The following ELF1 variants were observed in gnomAD, a reference collection of about 807,000 sequenced individuals.
ELF1 encodes E74 like ETS transcription factor 1.
In ELF1, 24 loss-of-function variants were observed where a neutral mutation model predicts 59.9. The observed-to-expected ratio is 0.40, with a 90% CI of 0.29 to 0.56. The LOEUF (loss-of-function observed/expected upper bound fraction) is 0.56. ELF1 is among the 20% of genes least tolerant of loss of function. ELF1 has a pLI of 0.44. For synonymous variants in ELF1, 248 were observed against 266.2 expected (o/e 0.93, Z 0.67); for missense variants, 627 against 742.2 (o/e 0.84, Z 1.80).
chr13:41,000,074 GAAGA>G (rs2138330885), intron 1 of ELF1, among the ~76,000 whole-genome samples: 1 of 152,186 alleles, frequency 6.6e-6, no homozygotes, highest in Admixed American at 6.5e-5. Flanking sequence ...GTTATCCAAT[GAAGA>G]AATATGTGAT....
chr13:41,039,890 A>G (rs1238682598), intron 1 of ELF1, among the ~76,000 whole-genome samples: 1 of 152,224 alleles, frequency 6.6e-6, no homozygotes, highest in African/African-American at 2.4e-5. Context: ...AAACAGGCAT[A>G]AGGCATGAAT....
chr13:40,970,947 A>G (rs1293938499), intron 2 of ELF1, among the ~76,000 whole-genome samples: 1 of 152,178 alleles, frequency 6.6e-6, no homozygotes, highest in Non-Finnish European at 1.5e-5. Flanking sequence ...GGAAGCAGCT[A>G]CTATGTTAAG....
intron 8 of ELF1, among the ~76,000 whole-genome samples, chr13:40,939,214 C>T (rs1273980397): frequency 1.3e-5 from 2 of 152,010 alleles, no homozygotes; most frequent in African/African-American, 4.8e-5. Flanking sequence ...ATGAGGAAGG[C>T]TGAGGTGAGA....
At chr13:41,024,662 C>A (rs568215925) in intron 1 of ELF1, among the ~76,000 whole-genome samples, 1 of 152,276 alleles carries the variant, frequency 6.6e-6, no homozygotes, top group Non-Finnish European at 1.5e-5. Flanking sequence ...CAGGCATGAA[C>A]AACCACACAT....
At chr13:40,939,230 G>C (rs1869979364) in intron 8 of ELF1, among the ~76,000 whole-genome samples, 1 of 152,092 alleles carries the variant, frequency 6.6e-6, no homozygotes, top group Non-Finnish European at 1.5e-5. Context: ...TGAGAGGACT[G>C]CTTGAGTCCT....
At chr13:40,966,185 G>C (rs1872161813) in intron 2 of ELF1, among the ~76,000 whole-genome samples, 1 of 152,206 alleles carries the variant, frequency 6.6e-6, no homozygotes, top group Admixed American at 6.5e-5. Flanking sequence ...ACAAGAGAGG[G>C]AAGATCTCCT....
At chr13:41,000,967 T>C (rs1874398443) in intron 1 of ELF1, among the ~76,000 whole-genome samples, 1 of 148,826 alleles carries the variant, frequency 6.7e-6, no homozygotes, top group Non-Finnish European at 1.5e-5. Flanking sequence ...TTCACAGAAA[T>C]AGGAAAAACA....
chr13:41,028,933 C>T (rs973275572), intron 1 of ELF1, among the ~76,000 whole-genome samples: 10 of 151,474 alleles, frequency 6.6e-5, no homozygotes, highest in African/African-American at 1.7e-4. Context: ...TTTTTAGAGA[C>T]GGGGTTTCAC....
chr13:40,985,141 G>A (rs1388212218), intron 1 of ELF1, among the ~76,000 whole-genome samples: 2 of 152,136 alleles, frequency 1.3e-5, no homozygotes, highest in African/African-American at 4.8e-5. Context: ...GCATTTTACT[G>A]GCTCAATCAT....
At chr13:41,018,439 A>G (rs1316413881) in intron 1 of ELF1, among the ~76,000 whole-genome samples, 2 of 152,208 alleles carry the variant, frequency 1.3e-5, no homozygotes, top group Non-Finnish European at 2.9e-5. Context: ...TTTACACAAA[A>G]TTGAAATAAC....
At chr13:40,963,534 A>G (rs894794790) in intron 2 of ELF1, among the ~76,000 whole-genome samples, 13 of 152,320 alleles carry the variant, frequency 8.5e-5, no homozygotes, top group African/African-American at 2.9e-4. Flanking sequence ...TGTATATTCA[A>G]AGTTGTTCAT....
intron 5 of ELF1, among the ~76,000 whole-genome samples, chr13:40,945,053 C>T (rs1256205889): frequency 6.6e-6 from 1 of 152,194 alleles, no homozygotes; most frequent in Non-Finnish European, 1.5e-5. Context: ...ACTTTCATCA[C>T]TGGAGACATC....
At chr13:40,975,698 G>A (rs1027016109) in intron 2 of ELF1, among the ~76,000 whole-genome samples, 19 of 152,162 alleles carry the variant, frequency 1.2e-4, no homozygotes, top group Admixed American at 1.2e-3. Flanking sequence ...GTATTCTGTG[G>A]TCAAGACAGC....
upstream of ELF1, chr13:41,019,339 A>C (rs2138390555): frequency 1.0e-6 from 1 of 985,432 alleles, no homozygotes; most frequent in South Asian, 4.7e-5. Context: ...TCTGTGCTTC[A>C]GCTTATGAGT....
chr13:41,048,128 G>C (rs1207510628), intron 1 of ELF1, among the ~76,000 whole-genome samples: 1 of 152,214 alleles, frequency 6.6e-6, no homozygotes, highest in Non-Finnish European at 1.5e-5. Flanking sequence ...CGTTGGAAAA[G>C]CACAGTATTA....
intron 8 of ELF1, among the ~76,000 whole-genome samples, chr13:40,934,742 T>C (rs917065412): frequency 6.6e-6 from 1 of 152,192 alleles, no homozygotes; most frequent in Non-Finnish European, 1.5e-5. Context: ...ATTTGAGAGA[T>C]AATGTTACCA....
chr13:41,012,799 C>A (rs1875154027), intron 1 of ELF1, among the ~76,000 whole-genome samples: 1 of 151,852 alleles, frequency 6.6e-6, no homozygotes, highest in Non-Finnish European at 1.5e-5. Context: ...CTCAAGTGAT[C>A]CTCCCACTTA....
chr13:40,955,119 A>C (rs1871157042), intron 3 of ELF1, among the ~76,000 whole-genome samples: 1 of 141,362 alleles, frequency 7.1e-6, no homozygotes, highest in East Asian at 2.2e-4. Context: ...AAGTGAGGAG[A>C]CCCTCTGCCT....
chr13:41,011,226 G>A (rs1306882117), intron 1 of ELF1, among the ~76,000 whole-genome samples: 1 of 152,168 alleles, frequency 6.6e-6, no homozygotes, highest in East Asian at 1.9e-4. Context: ...GTTTTGAAAT[G>A]TGTTTTTGAG....
Sources: allele counts gnomAD v4.1 joint callset (sites outside exome capture counted in the v4.1 genomes callset), GRCh38; gene constraint gnomAD v4.1.1; transcripts MANE v1.5; gene names NCBI Gene and HGNC (gene_info 2026-07-23, HGNC 2026-07-21).